The following POU6F2 variants were observed in gnomAD, a reference collection of about 807,000 sequenced individuals.
POU6F2 encodes POU domain, class 6, transcription factor 2.
A neutral mutation model predicts 71.3 loss-of-function variants in POU6F2; 31 were observed. The observed-to-expected ratio is 0.43, with a 90% CI of 0.33 to 0.59. The LOEUF is 0.59. Ranked by LOEUF, POU6F2 falls within the 20% of genes least tolerant of loss-of-function variation. The pLI, the probability that POU6F2 is intolerant of heterozygous loss-of-function variation, is 0.04. For synonymous variants in POU6F2, 347 were observed against 355.7 expected, an observed-to-expected ratio of 0.98 and a Z score of 0.27; for missense variants, 783 against 856.8, an observed-to-expected ratio of 0.91 and a Z score of 1.07.
At chr7:39,451,150 C>T (rs1423865955) in intron 7 of POU6F2, among the ~76,000 whole-genome samples, 1 of 152,010 alleles carries the variant, frequency 6.6e-6, no homozygotes, top group African/African-American at 2.4e-5. Flanking sequence ...TTTTAGTTTC[C>T]CAATCTGAGT....
At chr7:39,177,972 T>C (rs1793362585) in intron 2 of POU6F2, among the ~76,000 whole-genome samples, 1 of 152,142 alleles carries the variant, frequency 6.6e-6, no homozygotes, top group South Asian at 2.1e-4. Context: ...AAAACTTTCT[T>C]CAGCCAGGCG....
intron 4 of POU6F2, among the ~76,000 whole-genome samples, chr7:39,300,149 T>C (rs898210594): frequency 6.6e-6 from 1 of 152,208 alleles, no homozygotes; most frequent in Non-Finnish European, 1.5e-5. Flanking sequence ...CATAGGAAAC[T>C]GTGTCCTTCA....
chr7:39,104,269 C>T (rs998682465), intron 2 of POU6F2, among the ~76,000 whole-genome samples: 1 of 152,248 alleles, frequency 6.6e-6, no homozygotes, highest in African/African-American at 2.4e-5. Context: ...CAGAGGTTTA[C>T]ATGATGACAA....
chr7:39,201,101 C>T (rs6955619), intron 2 of POU6F2, among the ~76,000 whole-genome samples: 56,690 of 152,040 alleles, frequency 0.37, 10,898 homozygotes, highest in South Asian at 0.49. Context: ...ATATGGCAAG[C>T]ATGCGCTGTT....
intron 2 of POU6F2, among the ~76,000 whole-genome samples, chr7:39,086,987 A>G (rs1584535844): frequency 6.6e-6 from 1 of 151,736 alleles, no homozygotes. Flanking sequence ...AGACATATAT[A>G]TACATACTAA....
At chr7:39,149,864 T>A (rs1465602549) in intron 2 of POU6F2, among the ~76,000 whole-genome samples, 1 of 150,450 alleles carries the variant, frequency 6.6e-6, no homozygotes, top group African/African-American at 2.4e-5. Flanking sequence ...TCATCCATTT[T>A]GTGGCAAATG....
intron 2 of POU6F2, among the ~76,000 whole-genome samples, chr7:39,088,314 T>C (rs1054613031): frequency 2.6e-5 from 4 of 151,980 alleles, no homozygotes; most frequent in Non-Finnish European, 4.4e-5. Context: ...GGGCCTGTTT[T>C]GCTCTTACTT....
At chr7:39,462,559 G>A (rs150196920) in intron 9 of POU6F2, among the ~76,000 whole-genome samples, 407 of 152,254 alleles carry the variant, frequency 2.7e-3, no homozygotes, top group Non-Finnish European at 4.9e-3. Context: ...CTCGTGCCTT[G>A]ACACTGTAAA....
At chr7:39,095,301 A>C (rs564912569) in intron 2 of POU6F2, among the ~76,000 whole-genome samples, 4 of 152,314 alleles carry the variant, frequency 2.6e-5, no homozygotes, top group Non-Finnish European at 5.9e-5. Flanking sequence ...TCTAGTTTGA[A>C]TATTTACTTC....
intron 1 of POU6F2, among the ~76,000 whole-genome samples, chr7:39,068,490 C>CATATATATGTATATAT (rs1790806209): frequency 6.8e-6 from 1 of 146,644 alleles, no homozygotes; most frequent in East Asian, 2.0e-4. Flanking sequence ...CTAGTACATG[C>CATATATATGTATATAT]ATATATATAT....
chr7:39,363,400 C>T (rs1020004566), intron 5 of POU6F2, among the ~76,000 whole-genome samples: 2 of 151,846 alleles, frequency 1.3e-5, no homozygotes, highest in Non-Finnish European at 2.9e-5. Context: ...GTTTTAGACA[C>T]GTCATGTTTG....
intron 5 of POU6F2, among the ~76,000 whole-genome samples, chr7:39,370,762 C>G (rs748606164): frequency 6.6e-6 from 1 of 152,198 alleles, no homozygotes; most frequent in African/African-American, 2.4e-5. Flanking sequence ...CCTCATAGAA[C>G]AGAAGACTGA....
chr7:39,171,608 A>C (rs1427563282), intron 2 of POU6F2, among the ~76,000 whole-genome samples: 1 of 152,232 alleles, frequency 6.6e-6, no homozygotes, highest in African/African-American at 2.4e-5. Context: ...TATAAAACAA[A>C]AATAATCCCT....
At chr7:39,049,128 G>T (rs561370981) in intron 1 of POU6F2, among the ~76,000 whole-genome samples, 2 of 151,530 alleles carry the variant, frequency 1.3e-5, no homozygotes, top group Non-Finnish European at 3.0e-5. Flanking sequence ...TACCAATTTT[G>T]TTGATCTTTT....
rs540890506 is a variant in POU6F2, at chr7:39,451,632, C to T, written c.1420C>T (p.Arg474Trp). The T allele has an allele frequency of 1.2e-5, 20 of 1,613,332 alleles. No individual in the cohort carries two copies. In the East Asian group the frequency reaches 2.5e-4, roughly 20 times the overall value. The part of the protein sequence containing the change: ...SQASMSQSPV[R>W]QASSSSSSSS... Reference sequence around the variant, plus strand: ...AGCATCCATGTCTCAAAGTCCCGTCCGGCAGGCTTCCTCTTCTTCCTCCTC... The same window carrying T: ...AGCATCCATGTCTCAAAGTCCCGTCTGGCAGGCTTCCTCTTCTTCCTCCTC... The change falls in exon 8 of 10, where the codon CGG (arginine) becomes TGG (tryptophan). Residue 474 changes from arginine (R) to tryptophan (W), a missense_variant. Arg to Trp is a moderately radical substitution (Grantham distance 101). This residue lies in a region of POU6F2 where 572 missense variants were observed against 572.9 expected (regional missense o/e 1.00). Transcript: ENST00000518318.
chr7:39,464,831 A>G lies in POU6F2; in HGVS notation c.*145A>G. 1 of 1,043,052 alleles carries G rather than the reference A, an allele frequency of 9.6e-7. No homozygotes were observed. The highest frequency in any genetic ancestry group is 1.3e-6 in the Non-Finnish European group (1 of 743,406). The allele number at this position is 1,043,052 out of a possible 1,614,324, so 64.6% of individuals were successfully genotyped here. On this transcript the variant is annotated 3_prime_UTR_variant, in exon 10 of 10. Coordinates refer to ENST00000518318, the MANE Select transcript of POU6F2 (RefSeq NM_001370959.1). This position sits in a 1 kb window ranked among gnomAD's most constrained non-coding sequence, Gnocchi z 4.1. ...ACCCTTGTAAGTAAATGACTAAGAAAACTACCAAGTGGACAGAATGGTTTC... is the reference window on the plus strand; with the variant it reads ...ACCCTTGTAAGTAAATGACTAAGAAGACTACCAAGTGGACAGAATGGTTTC...
chr7:39,454,357 C>T (rs1788733699), intron 8 of POU6F2, among the ~76,000 whole-genome samples: 1 of 151,846 alleles, frequency 6.6e-6, no homozygotes, highest in African/African-American at 2.4e-5. Context: ...ATCTCCAGCC[C>T]CTCTTCTCTC....
At chr7:39,005,312 G>A (rs1314770822) in intron 1 of POU6F2, 1 of 152,204 alleles carries the variant, frequency 6.6e-6, no homozygotes, top group Non-Finnish European at 1.5e-5. Context: ...ATTTCTCAGA[G>A]TTTGATTTCC....
chr7:39,193,356 G>A (rs1015668314), intron 2 of POU6F2, among the ~76,000 whole-genome samples: 1 of 152,128 alleles, frequency 6.6e-6, no homozygotes, highest in Non-Finnish European at 1.5e-5. Context: ...CCACCATACT[G>A]GGAATGTAGA....
Sources: gnomAD v4.1 joint callset for allele counts (sites outside exome capture counted in the v4.1 genomes callset) on GRCh38, gnomAD v4.1.1 for gene constraint, gnomAD v4.1.1 regional missense constraint, Gnocchi (gnomAD v3.1) non-coding constraint, MANE v1.5 for transcripts, NCBI Gene and HGNC (gene_info 2026-07-23, HGNC 2026-07-21) for gene names.